The following MCMDC2 variants were observed in gnomAD, a reference collection of about 807,000 sequenced individuals.
MCMDC2 encodes the protein minichromosome maintenance domain-containing protein 2.
Under a neutral mutation model 75.8 loss-of-function variants are expected in MCMDC2, and 54 were observed. The observed-to-expected ratio is 0.71, with a 90% CI of 0.57 to 0.89. The LOEUF is 0.89. Ranked by LOEUF, MCMDC2 falls within the 40% of genes least tolerant of loss-of-function variation. MCMDC2 has a pLI of 0.00. For synonymous variants in MCMDC2, 249 were observed against 274.6 expected, an observed-to-expected ratio of 0.91 and a Z score of 0.92; for missense variants, 656 against 780.4, an observed-to-expected ratio of 0.84 and a Z score of 1.90.
chr8:66,918,798 AAG>A (rs1813414469), intron 14 of MCMDC2, among the ~76,000 whole-genome samples: 1 of 152,186 alleles, frequency 6.6e-6, no homozygotes, highest in Non-Finnish European at 1.5e-5. Flanking sequence ...TTCAGAAAAC[AAG>A]AGTCAGATTT....
At chr8:66,918,772 A>C (rs1813413235) in intron 14 of MCMDC2, among the ~76,000 whole-genome samples, 1 of 152,164 alleles carries the variant, frequency 6.6e-6, no homozygotes, top group South Asian at 2.1e-4. Context: ...GCACTTACTG[A>C]ACCTGCTTTC....
At chr8:66,924,333 A>G (rs574465851), downstream of MCMDC2, among the ~76,000 whole-genome samples, 11 of 152,130 alleles carry the variant, frequency 7.2e-5, no homozygotes, top group Middle Eastern at 3.4e-3. Context: ...AAATTTTAAA[A>G]TTTGTTTCTA....
At chr8:66,926,113 C>G (rs1247439356), downstream of MCMDC2, 1 of 152,300 alleles carries the variant, frequency 6.6e-6, no homozygotes, top group Non-Finnish European at 1.5e-5. Context: ...CGCGCCACTG[C>G]ACTCTAGCCT....
intron 9 of MCMDC2, among the ~76,000 whole-genome samples, chr8:66,890,084 T>A (rs1053589283): frequency 6.6e-6 from 1 of 152,188 alleles, no homozygotes; most frequent in Non-Finnish European, 1.5e-5. Context: ...TTGTTGTTTT[T>A]GAGACAGAGT....
chr8:66,876,631 C>T (rs958688224), intron 4 of MCMDC2, among the ~76,000 whole-genome samples: 1 of 152,150 alleles, frequency 6.6e-6, no homozygotes, highest in South Asian at 2.1e-4. Flanking sequence ...CCCAAGGAAT[C>T]CTGATTCCTT....
intron 14 of MCMDC2, among the ~76,000 whole-genome samples, chr8:66,907,778 A>G (rs1445407503): frequency 6.6e-6 from 1 of 152,164 alleles, no homozygotes. Context: ...AACTGTTGTG[A>G]GATGATATCT....
chr8:66,878,932 T>A lies in MCMDC2; in HGVS notation c.709+13T>A. On this transcript the variant is annotated intron_variant, in intron 7 of 14. Transcript: ENST00000422365. ...ATTTTCCTAAGAGGTAAGTGAATTC[T>A]GTTTGAACTAAAAAAAAATTGCTAT... is the stretch of plus-strand genomic sequence containing the variant. 6.6e-7 allele frequency: 1 copy of A among 1,516,252 alleles called. No homozygotes were observed. The highest frequency in any genetic ancestry group is 9.1e-7 in the Non-Finnish European group (1 of 1,096,210). 93.9% of individuals were successfully genotyped at this position (1,516,252 alleles called of 1,614,324 possible). A position where few individuals can be genotyped will look rare whatever the true frequency, so the allele number is the denominator to read the frequency against.
At position 66,897,009 on chromosome 8, in the gene MCMDC2, A is replaced by T. The variant is rs756188147; in HGVS notation, c.1626+50A>T. On this transcript the variant is annotated intron_variant, in intron 12 of 14. Coordinates refer to ENST00000422365, the MANE Select transcript of MCMDC2 (RefSeq NM_173518.5). ...CAGAATGCCTGTGCTAATGTTTCTC[A>T]AATTATATAGAAGTCCTTTTGAGTG... 3.3e-6 allele frequency: 5 copies of T among 1,505,156 alleles called. No individual in the cohort carries two copies. The South Asian group carries it at 6.4e-5, about 19-fold the overall frequency. The allele number at this position is 1,505,156 out of a possible 1,614,324, so 93.2% of individuals were successfully genotyped here.
chr8:66,884,306 C>A (rs188460622), intron 9 of MCMDC2: 4 of 364,710 alleles, frequency 1.1e-5, no homozygotes, highest in Non-Finnish European at 2.0e-5. Context: ...TAGTCTTCCC[C>A]CTAAGGAACA....
intron 7 of MCMDC2, among the ~76,000 whole-genome samples, chr8:66,879,583 ACT>A (rs1215562184): frequency 5.3e-5 from 8 of 152,232 alleles, no homozygotes; most frequent in African/African-American, 1.9e-4. Flanking sequence ...ACAGAATGGG[ACT>A]CTGTCTCAAA....
chr8:66,874,662 A>T, intron 4 of MCMDC2, 76 bp downstream of exon 4: 16 of 1,270,308 alleles, frequency 1.3e-5, no homozygotes, highest in Non-Finnish European at 1.7e-5. Flanking sequence ...TTTTATATTC[A>T]TAGACTTTTT....
intron 1 of MCMDC2, among the ~76,000 whole-genome samples, chr8:66,871,791 G>C (rs1811030215): frequency 6.6e-6 from 1 of 151,734 alleles, no homozygotes; most frequent in African/African-American, 2.4e-5. Context: ...CGTGCCTATA[G>C]TCCCAGGCTG....
chr8:66,898,743 A>G (rs1313971044), intron 12 of MCMDC2, among the ~76,000 whole-genome samples: 1 of 152,206 alleles, frequency 6.6e-6, no homozygotes, highest in Admixed American at 6.5e-5. Flanking sequence ...TGTAGAATGC[A>G]GAAGCTGGGA....
chr8:66,887,499 CAG>C (rs1453890736), intron 9 of MCMDC2, among the ~76,000 whole-genome samples: 6 of 152,036 alleles, frequency 3.9e-5, no homozygotes, highest in South Asian at 2.1e-4. Context: ...TTGCAGTGAG[CAG>C]AGACTGCCAC....
chr8:66,900,310 C>T (rs987150532), intron 12 of MCMDC2, among the ~76,000 whole-genome samples: 2 of 151,930 alleles, frequency 1.3e-5, no homozygotes, highest in East Asian at 1.9e-4. Context: ...TGGTGGTACG[C>T]GCCTATAATC....
At position 66,889,385 on chromosome 8, in the gene MCMDC2, C is replaced by CT. The variant is rs200328899; in HGVS notation, c.1074-1478dup. On this transcript the variant is annotated intron_variant, in intron 9 of 14. Coordinates refer to ENST00000422365, the MANE Select transcript of MCMDC2 (RefSeq NM_173518.5). Reference sequence around the variant, plus strand: ...TGCCTCATGCCTGTAGTTCCAGCTACTTGGGAGACTGAGCAGGCAGGATTG... The same window carrying CT: ...TGCCTCATGCCTGTAGTTCCAGCTACTTTGGGAGACTGAGCAGGCAGGATTG... Among the ~76,000 whole-genome samples the CT allele has an allele frequency of 3.4e-3, 514 of 152,272 alleles. 6 individuals are homozygous for CT. Among genetic ancestry groups the CT allele is most frequent in the African/African-American group, 0.011 (452 of 41,546 alleles).
At chr8:66,880,750 T>G (rs1811519378) in intron 7 of MCMDC2, 99 bp from the exon 8 acceptor site, 2 of 1,168,600 alleles carry the variant, frequency 1.7e-6, no homozygotes, top group South Asian at 5.3e-5. Flanking sequence ...CTAACTCAAC[T>G]ACTGAATTGT....
At chr8:66,924,397 C>A (rs1813656694), downstream of MCMDC2, among the ~76,000 whole-genome samples, 1 of 151,950 alleles carries the variant, frequency 6.6e-6, no homozygotes, top group African/African-American at 2.4e-5. Context: ...GAGGCCTAGG[C>A]GGGTGGATCA....
chr8:66,893,161 A>G (rs1431180770), intron 10 of MCMDC2, among the ~76,000 whole-genome samples: 1 of 152,200 alleles, frequency 6.6e-6, no homozygotes, highest in African/African-American at 2.4e-5. Flanking sequence ...GCATACCAGC[A>G]TGAATGTATA....
Sources: gnomAD v4.1 joint callset for allele counts (sites outside exome capture counted in the v4.1 genomes callset) on GRCh38, gnomAD v4.1.1 for gene constraint, MANE v1.5 for transcripts, NCBI Gene and HGNC (gene_info 2026-07-23, HGNC 2026-07-21) for gene names.